RERE: variants seen among roughly 807,000 people sequenced by gnomAD.
RERE encodes the protein arginine-glutamic acid dipeptide repeats protein.
Under a neutral mutation model 146.1 loss-of-function variants are expected in RERE, and 40 were observed. That is an observed-to-expected ratio of 0.27 (90% confidence interval 0.21 to 0.36). The LOEUF is 0.36. RERE is among the 10% of genes least tolerant of loss of function. RERE has a pLI of 1.00. For missense variants in RERE, 1,933 were observed against 2,138.7 expected, an observed-to-expected ratio of 0.90 and a Z score of 1.90; for synonymous variants, 1,003 against 866.0, an observed-to-expected ratio of 1.16 and a Z score of -2.78.
chr1:8,469,259 T>C (rs1246783506), intron 10 of RERE, among the ~76,000 whole-genome samples: 5 of 152,274 alleles, frequency 3.3e-5, no homozygotes, highest in East Asian at 1.9e-4. Flanking sequence ...ATGTGTCATA[T>C]AAAATTACCC....
intron 4 of RERE, among the ~76,000 whole-genome samples, chr1:8,610,333 G>A (rs771568462): frequency 6.6e-6 from 1 of 152,046 alleles, no homozygotes; most frequent in African/African-American, 2.4e-5. Context: ...GCTCACGCCT[G>A]TAATCCCAGC....
intron 1 of RERE, among the ~76,000 whole-genome samples, chr1:8,699,605 T>A (rs1639404045): frequency 6.6e-6 from 1 of 152,222 alleles, no homozygotes; most frequent in South Asian, 2.1e-4. Context: ...ATATAACCTG[T>A]TTGAATTGGA....
At chr1:8,561,425 A>G (rs1646077236) in intron 4 of RERE, among the ~76,000 whole-genome samples, 1 of 152,252 alleles carries the variant, frequency 6.6e-6, no homozygotes, top group African/African-American at 2.4e-5. Flanking sequence ...GTGTGGTTTC[A>G]GCAGTACTAG....
intron 4 of RERE, among the ~76,000 whole-genome samples, chr1:8,611,312 T>C (rs997079519): frequency 6.6e-6 from 1 of 152,000 alleles, no homozygotes; most frequent in African/African-American, 2.4e-5. Context: ...AAGACCAGCC[T>C]GGCCAATAAG....
chr1:8,587,786 T>A lies in RERE; in HGVS notation c.522+26775A>T, dbSNP rs77751941. 9.6e-3 allele frequency among the ~76,000 whole-genome samples: 1,467 copies of A among 152,270 alleles called. 28 individuals carry two copies. Among genetic ancestry groups the A allele is most frequent in the African/African-American group, 0.034 (1,410 of 41,542 alleles). On this transcript the variant is annotated intron_variant, in intron 4 of 22. Coordinates refer to ENST00000400908, the MANE Select transcript of RERE (RefSeq NM_001042681.2). ...TTCAACAAAAATATTCTGCCTCTATTCTTTGTCTAAAAAGTTTTTCTATTC... is the reference window on the plus strand; with the variant it reads ...TTCAACAAAAATATTCTGCCTCTATACTTTGTCTAAAAAGTTTTTCTATTC...
At chr1:8,732,362 T>A (rs1407492661) in intron 1 of RERE, among the ~76,000 whole-genome samples, 1 of 152,236 alleles carries the variant, frequency 6.6e-6, no homozygotes, top group Non-Finnish European at 1.5e-5. Flanking sequence ...CACATATTGT[T>A]AAGTGAAAGA....
At chr1:8,690,400 C>T (rs927101984) in intron 1 of RERE, among the ~76,000 whole-genome samples, 3 of 152,262 alleles carry the variant, frequency 2.0e-5, no homozygotes, top group African/African-American at 7.2e-5. Flanking sequence ...ACTTGGGGAA[C>T]GGAAAGCTAA....
At chr1:8,798,210 C>T (rs1013782702) in intron 1 of RERE, among the ~76,000 whole-genome samples, 7 of 152,102 alleles carry the variant, frequency 4.6e-5, no homozygotes, top group African/African-American at 9.7e-5. Flanking sequence ...GCCTGGCCAA[C>T]AAGGCGAAAC....
chr1:8,574,893 T>G (rs1250786656), intron 4 of RERE, among the ~76,000 whole-genome samples: 1 of 152,250 alleles, frequency 6.6e-6, no homozygotes, highest in Non-Finnish European at 1.5e-5. Context: ...CTATTTAGAA[T>G]GTTCTTTCAT....
At chr1:8,593,708 T>G (rs1057179326) in intron 4 of RERE, among the ~76,000 whole-genome samples, 2 of 152,242 alleles carry the variant, frequency 1.3e-5, no homozygotes, top group Admixed American at 1.3e-4. Context: ...TTTACAATGT[T>G]AAACGGCTAG....
chr1:8,434,737 G>C (rs940499971), intron 11 of RERE: 1 of 152,252 alleles, frequency 6.6e-6, no homozygotes, highest in African/African-American at 2.4e-5. Flanking sequence ...GAAGCCCTGA[G>C]CTGCCAGATT....
chr1:8,581,004 T>C (rs537145169), intron 4 of RERE, among the ~76,000 whole-genome samples: 3 of 152,288 alleles, frequency 2.0e-5, no homozygotes, highest in East Asian at 3.9e-4. Flanking sequence ...ATCCTGCTAC[T>C]ACTCTGATTT....
intron 1 of RERE, among the ~76,000 whole-genome samples, chr1:8,811,961 G>A (rs535087212): frequency 6.6e-6 from 1 of 152,202 alleles, no homozygotes; most frequent in Admixed American, 6.5e-5. Context: ...CTAAAGCTGG[G>A]TGGGACCCAT....
intron 11 of RERE, among the ~76,000 whole-genome samples, chr1:8,435,293 T>A (rs960309001): frequency 3.3e-5 from 5 of 152,202 alleles, no homozygotes. Context: ...AAAGGGCCTT[T>A]GTTTTGTTCA....
intron 1 of RERE, among the ~76,000 whole-genome samples, chr1:8,693,707 A>G (rs1470942808): frequency 1.3e-5 from 2 of 152,206 alleles, no homozygotes; most frequent in African/African-American, 2.4e-5. Flanking sequence ...CATGGAATGT[A>G]TAACACCAAG....
intron 4 of RERE, among the ~76,000 whole-genome samples, chr1:8,605,769 A>AC (rs1421228027): frequency 6.9e-6 from 1 of 144,796 alleles, no homozygotes; most frequent in East Asian, 2.0e-4. Flanking sequence ...AAAAAAAAAA[A>AC]AACCCCTAAA....
chr1:8,789,301 A>AAAAAAAAAAAATATATATAT, intron 1 of RERE, among the ~76,000 whole-genome samples: 4 of 24,812 alleles, frequency 1.6e-4, no homozygotes, highest in Admixed American at 6.6e-4. Context: ...AAAAAAAAAA[A>AAAAAAAAAAAATATATATAT]ATATATATAT....
At chr1:8,652,543 TG>T (rs1167446589) in intron 2 of RERE, among the ~76,000 whole-genome samples, 1 of 152,210 alleles carries the variant, frequency 6.6e-6, no homozygotes, top group African/African-American at 2.4e-5. Context: ...GAGGTTTAAT[TG>T]ATCCACAATT....
Position 8,364,683 on chromosome 1 carries a change from T to C in RERE, c.1540+63A>G. 8.4e-7 allele frequency: 1 copy of C among 1,191,408 alleles called. No homozygotes were observed. Among genetic ancestry groups the C allele is most frequent in the Non-Finnish European group, 1.3e-6 (1 of 797,386 alleles). The allele number at this position is 1,191,408 out of a possible 1,614,324, so 73.8% of individuals were successfully genotyped here. On this transcript the variant is annotated intron_variant, in intron 14 of 22. Transcript: ENST00000400908. The surrounding 1 kb of genome is among the most constrained non-coding windows in gnomAD (Gnocchi z 5.1). ...CAGGTTTCCAGCTGGATGCATGAAA[T>C]GTTCAGAACATGGAAGTGCTTGTGC...
Sources: allele counts gnomAD v4.1 joint callset (sites outside exome capture counted in the v4.1 genomes callset), GRCh38; gene constraint gnomAD v4.1.1; non-coding constraint Gnocchi (gnomAD v3.1); transcripts MANE v1.5; gene names NCBI Gene and HGNC (gene_info 2026-07-23, HGNC 2026-07-21).